Variants in PEX5L observed in about 807,000 individuals in gnomAD.
PEX5L encodes PEX5-related protein.
PEX5L carries 30 observed loss-of-function variants against 84.0 expected under a neutral mutation model. The ratio of observed to expected loss-of-function variants is 0.36; its 90% CI spans 0.27 to 0.48. The LOEUF (loss-of-function observed/expected upper bound fraction) is 0.48. PEX5L is among the 20% of genes least tolerant of loss of function. The pLI is 0.99. For synonymous variants in PEX5L, 270 were observed against 283.1 expected, an observed-to-expected ratio of 0.95 and a Z score of 0.46; for missense variants, 533 against 754.6, an observed-to-expected ratio of 0.71 and a Z score of 3.44.
chr3:179,894,930 C>G (rs1758756657), intron 3 of PEX5L, among the ~76,000 whole-genome samples: 1 of 152,032 alleles, frequency 6.6e-6, no homozygotes, highest in Non-Finnish European at 1.5e-5. Context: ...AAAGTATTCA[C>G]TAAAGTCATT....
intron 2 of PEX5L, among the ~76,000 whole-genome samples, chr3:179,904,590 C>T (rs1440802456): frequency 6.6e-6 from 1 of 152,010 alleles, no homozygotes; most frequent in Non-Finnish European, 1.5e-5. Flanking sequence ...CGAGCTACTG[C>T]CTTAAAAAAA....
intron 14 of PEX5L, among the ~76,000 whole-genome samples, chr3:179,806,497 A>C (rs1010447604): frequency 1.6e-4 from 25 of 152,350 alleles, no homozygotes; most frequent in African/African-American, 5.8e-4. Context: ...TTTTTCGTAC[A>C]GTGCAACAAC....
chr3:179,846,177 C>CA (rs1342446089), intron 8 of PEX5L, among the ~76,000 whole-genome samples: 10 of 151,260 alleles, frequency 6.6e-5, no homozygotes, highest in African/African-American at 9.7e-5. Flanking sequence ...CTCAAAAAAA[C>CA]AAAAAAAACT....
chr3:179,797,682 AGAT>A lies in PEX5L; in HGVS notation c.*4143_*4145del, dbSNP rs1261559692. ...ATTTCAACCAGTTCTATAACTATTG[AGAT>A]GATGATAGGGAAACTGCAGTAAAAT... On this transcript the variant is annotated 3_prime_UTR_variant, in exon 15 of 15. Coordinates refer to ENST00000467460, the MANE Select transcript of PEX5L (RefSeq NM_016559.3). The A allele has an allele frequency of 1.3e-5, 2 of 150,004 alleles. No homozygotes were observed. Among genetic ancestry groups the A allele is most frequent in the African/African-American group, 4.9e-5 (2 of 40,914 alleles). 9.3% of individuals were successfully genotyped at this position (150,004 alleles called of 1,614,324 possible). A position where few individuals can be genotyped will look rare whatever the true frequency, so the allele number is the denominator to read the frequency against.
chr3:179,895,389 T>C (rs66773447), intron 3 of PEX5L, among the ~76,000 whole-genome samples: 22,641 of 152,098 alleles, frequency 0.15, 1,815 homozygotes, highest in South Asian at 0.31. Flanking sequence ...AAACTTTTTT[T>C]CCTCAAAGAC....
At chr3:180,005,621 C>T (rs1788814653) in intron 1 of PEX5L, among the ~76,000 whole-genome samples, 2 of 151,918 alleles carry the variant, frequency 1.3e-5, no homozygotes, top group African/African-American at 2.4e-5. Context: ...CTGAGCTACT[C>T]GGGACGCTGA....
intron 1 of PEX5L, among the ~76,000 whole-genome samples, chr3:180,016,314 A>G (rs1223222504): frequency 1.3e-5 from 2 of 152,166 alleles, no homozygotes; most frequent in East Asian, 3.8e-4. Context: ...GCCTCCTATT[A>G]ATTGGATGTC....
chr3:179,886,806 C>G (rs1308935784), intron 4 of PEX5L, among the ~76,000 whole-genome samples: 1 of 152,202 alleles, frequency 6.6e-6, no homozygotes, highest in Non-Finnish European at 1.5e-5. Context: ...TGCAAGCCAA[C>G]AGCAAACTGA....
At position 179,795,237 on chromosome 3, in the gene PEX5L, C is replaced by T. The variant is rs1028589071; in HGVS notation, c.*6591G>A. The T allele has an allele frequency of 6.6e-5, 10 of 151,842 alleles. No homozygotes were observed. The East Asian group carries it at 1.5e-3, about 23-fold the overall frequency. The allele number at this position is 151,842 out of a possible 1,614,324, so 9.4% of individuals were successfully genotyped here. On this transcript the variant is annotated 3_prime_UTR_variant, in exon 15 of 15. Coordinates refer to ENST00000467460, the MANE Select transcript of PEX5L (RefSeq NM_016559.3). ...TTTTGAAAGATTCCTGAAAAGACCT[C>T]GAAGCCGCAGACAAAGTTTATTTGA...
chr3:179,964,206 C>G (rs78643288), intron 2 of PEX5L, among the ~76,000 whole-genome samples: 5,030 of 152,164 alleles, frequency 0.033, 270 homozygotes, highest in African/African-American at 0.12. Context: ...TCTTAATGTC[C>G]ATATGTAATT....
rs565830597 is a variant in PEX5L at position 179,823,118 on chromosome 3, T to C, written c.823-3142A>G. ...TGTCTTTGTAGTATTGAGAAAAATA[T>C]AGAGAATAAAACAAAAATCACGCAC... is the stretch of plus-strand genomic sequence containing the variant. On this transcript the variant is annotated intron_variant, in intron 8 of 14. Coordinates refer to ENST00000467460, the MANE Select transcript of PEX5L (RefSeq NM_016559.3). 5.3e-5 allele frequency among the ~76,000 whole-genome samples: 8 copies of C among 152,300 alleles called. No individual in the cohort carries two copies. The South Asian group carries it at 1.4e-3, about 28-fold the overall frequency.
intron 1 of PEX5L, among the ~76,000 whole-genome samples, chr3:179,980,941 T>C (rs1302886635): frequency 1.3e-5 from 2 of 151,914 alleles, no homozygotes; most frequent in African/African-American, 2.4e-5. Flanking sequence ...GGAAAATTGC[T>C]TGAAGCCTGG....
In PEX5L at chr3:179,852,951, G is replaced by A. The variant is rs116037712; in HGVS notation, c.822+6111C>T. 2.5e-3 allele frequency among the ~76,000 whole-genome samples: 380 copies of A among 152,222 alleles called. 1 individual carries two copies. Among genetic ancestry groups the A allele is most frequent in the Middle Eastern group, 0.01 (3 of 294 alleles). Reference sequence around the variant, plus strand: ...CTCACTAGTGAAGAGATGTTTAGATGAAATAGATGCATTAAAATAATAAAT... The same window carrying A: ...CTCACTAGTGAAGAGATGTTTAGATAAAATAGATGCATTAAAATAATAAAT... On this transcript the variant is annotated intron_variant, in intron 8 of 14. Transcript: ENST00000467460.
At chr3:179,846,990 G>C (rs1739617147) in intron 8 of PEX5L, among the ~76,000 whole-genome samples, 2 of 151,620 alleles carry the variant, frequency 1.3e-5, no homozygotes, top group Non-Finnish European at 2.9e-5. Flanking sequence ...TAAATATGGA[G>C]ATATATATAG....
Position 180,036,558 on chromosome 3 carries a change from AG to A in PEX5L, c.21+20del. ...AAATTAGCCCCCAAGAATTCTCTCC[AG>A]CCCTATAGAAATGTCTTACCTGCAT... On this transcript the variant is annotated intron_variant, in intron 1 of 14. Coordinates refer to ENST00000467460, the MANE Select transcript of PEX5L (RefSeq NM_016559.3). 6.2e-7 allele frequency: 1 copy of A among 1,612,840 alleles called. No individual in the cohort carries two copies. Among genetic ancestry groups the A allele is most frequent in the Non-Finnish European group, 8.5e-7 (1 of 1,178,808 alleles).
chr3:179,973,131 C>T, intron 1 of PEX5L: 2 of 1,226,252 alleles, frequency 1.6e-6, no homozygotes, highest in South Asian at 1.4e-5. Flanking sequence ...TTAGAAGTGC[C>T]TTTCCAAATA....
intron 13 of PEX5L, among the ~76,000 whole-genome samples, chr3:179,808,069 A>G (rs961770524): frequency 2.0e-5 from 3 of 152,200 alleles, no homozygotes; most frequent in African/African-American, 7.2e-5. Context: ...TAGTGTTTCT[A>G]TTTTAGGTAT....
rs1303413242 is a variant in PEX5L, at chr3:179,797,274, A to G, written c.*4554T>C. On this transcript the variant is annotated 3_prime_UTR_variant, in exon 15 of 15. Transcript: ENST00000467460. ...AGAAACCAGATGTGTGAATATCTGT[A>G]AAGTTCAGTGTGATAGCATGAAAAC... 6.6e-6 allele frequency: 1 copy of G among 152,172 alleles called. No homozygotes were observed. Among genetic ancestry groups the G allele is most frequent in the Non-Finnish European group, 1.5e-5 (1 of 68,018 alleles). The allele number at this position is 152,172 out of a possible 1,614,324, so 9.4% of individuals were successfully genotyped here. A position where few individuals can be genotyped will look rare whatever the true frequency, so the allele number is the denominator to read the frequency against.
intron 7 of PEX5L, among the ~76,000 whole-genome samples, chr3:179,866,887 A>C (rs1748427806): frequency 6.6e-6 from 1 of 151,464 alleles, no homozygotes; most frequent in Non-Finnish European, 1.5e-5. Flanking sequence ...TCAGCCGGGC[A>C]TGGTGGCTGG....
Sources: allele counts gnomAD v4.1 joint callset (sites outside exome capture counted in the v4.1 genomes callset), GRCh38; gene constraint gnomAD v4.1.1; transcripts MANE v1.5; gene names NCBI Gene and HGNC (gene_info 2026-07-23, HGNC 2026-07-21).